Variants in MRTFA observed in about 807,000 individuals in gnomAD.
MRTFA encodes the protein myocardin related transcription factor A, also known as myocardin-related transcription factor A.
In MRTFA, 20 loss-of-function variants were observed where a neutral mutation model predicts 83.5. That is an observed-to-expected ratio of 0.24 (90% CI 0.17 to 0.35). The LOEUF is 0.35. MRTFA is among the 10% of genes least tolerant of loss of function. The pLI is 1.00. For missense variants in MRTFA, 1,200 were observed against 1,224.7 expected (o/e 0.98, Z 0.30); for synonymous variants, 659 against 541.2 (o/e 1.22, Z -3.02).
At chr22:40,635,068 A>AT (rs2051136718) in intron 1 of MRTFA, among the ~76,000 whole-genome samples, 1 of 152,116 alleles carries the variant, frequency 6.6e-6, no homozygotes, top group African/African-American at 2.4e-5. Context: ...GAACGCAGTA[A>AT]TGGATTGCTT....
rs199684195 is a variant in MRTFA, at chr22:40,424,209, G to C, written c.774C>G (p.Thr258=). 6.5e-5 allele frequency: 104 copies of C among 1,596,904 alleles called. No individual in the cohort carries two copies. In the Admixed American group the frequency reaches 1.8e-3, roughly 28 times the overall value. Reference sequence around the variant, plus strand: ...GCATCTGGAAGCACACACTCACCTGGGTGGGGGATGCAGAGGTGGCACTGA... The same window carrying C: ...GCATCTGGAAGCACACACTCACCTGCGTGGGGGATGCAGAGGTGGCACTGA... Residue 258 remains threonine (T), a synonymous_variant, in exon 8 of 15, where the codon ACC becomes ACG. Coordinates refer to ENST00000355630, the MANE Select transcript of MRTFA (RefSeq NM_020831.6).
intron 1 of MRTFA, among the ~76,000 whole-genome samples, chr22:40,631,064 A>G (rs1443535000): frequency 6.6e-6 from 1 of 152,172 alleles, no homozygotes; most frequent in Admixed American, 6.5e-5. Context: ...GACACCCTTA[A>G]TGGCAACTTG....
intron 1 of MRTFA, among the ~76,000 whole-genome samples, chr22:40,599,621 G>C (rs1468977341): frequency 6.6e-6 from 1 of 152,120 alleles, no homozygotes; most frequent in Non-Finnish European, 1.5e-5. Flanking sequence ...AAGTTGCCAG[G>C]CACAGTGGCT....
rs572247009 is a variant in MRTFA, at chr22:40,531,037, G to A, written c.241+21069C>T. 8.5e-5 allele frequency among the ~76,000 whole-genome samples: 13 copies of A among 152,228 alleles called. No individual in the cohort carries two copies. In the East Asian group the frequency reaches 1.5e-3, roughly 18 times the overall value. On this transcript the variant is annotated intron_variant, in intron 3 of 14. Transcript: ENST00000355630. ...CCTTGAGAAGCTAATAATCTAATTAGGAAGACATATACATCTGGCTGGTTC... is the reference window on the plus strand; with the variant it reads ...CCTTGAGAAGCTAATAATCTAATTAAGAAGACATATACATCTGGCTGGTTC...
chr22:40,464,309 GAAA>G (rs398040500), intron 3 of MRTFA, among the ~76,000 whole-genome samples: 1 of 56,272 alleles, frequency 1.8e-5, no homozygotes, highest in African/African-American at 7.9e-5. Flanking sequence ...GCTGTCTCAG[GAAA>G]AAAAAAAAAA....
At chr22:40,415,705 C>G (rs1376642880) in intron 14 of MRTFA, among the ~76,000 whole-genome samples, 3 of 152,144 alleles carry the variant, frequency 2.0e-5, no homozygotes, top group Admixed American at 1.3e-4. Context: ...TGCCCAGCAT[C>G]TGCCCTACCT....
intron 3 of MRTFA, among the ~76,000 whole-genome samples, chr22:40,544,187 C>G (rs1185088509): frequency 1.3e-5 from 2 of 152,056 alleles, no homozygotes; most frequent in African/African-American, 4.8e-5. Flanking sequence ...AACTCATAAA[C>G]TATAAAAGAC....
intron 2 of MRTFA, among the ~76,000 whole-genome samples, chr22:40,571,157 C>A (rs1305678690): frequency 1.3e-5 from 2 of 151,224 alleles, no homozygotes; most frequent in Non-Finnish European, 2.9e-5. Flanking sequence ...TTGCAGTAAG[C>A]CTTGATTGTG....
intron 4 of MRTFA, among the ~76,000 whole-genome samples, chr22:40,445,719 TC>T (rs2053364241): frequency 6.6e-6 from 1 of 152,116 alleles, no homozygotes. Context: ...CGGCTAATTT[TC>T]TGTATTTTTA....
chr22:40,438,753 G>A (rs1234994948), intron 4 of MRTFA, among the ~76,000 whole-genome samples: 2 of 151,708 alleles, frequency 1.3e-5, no homozygotes, highest in East Asian at 3.9e-4. Flanking sequence ...ATCGAATTTT[G>A]TCATAGGTCA....
intron 1 of MRTFA, among the ~76,000 whole-genome samples, chr22:40,613,914 A>C (rs533256802): frequency 9.9e-5 from 15 of 151,956 alleles, no homozygotes; most frequent in African/African-American, 3.6e-4. Flanking sequence ...AAAATAAAAA[A>C]ATAAGCCGGG....
chr22:40,472,574 TA>T (rs1447933530), intron 3 of MRTFA, among the ~76,000 whole-genome samples: 2 of 152,076 alleles, frequency 1.3e-5, no homozygotes, highest in African/African-American at 2.4e-5. Flanking sequence ...GAATAACAAA[TA>T]ATTTTTTTCT....
chr22:40,429,443 G>C, intron 7 of MRTFA, 163 bp downstream of exon 7: 1 of 786,294 alleles, frequency 1.3e-6, no homozygotes, highest in Non-Finnish European at 2.2e-6. Flanking sequence ...CATACAACCT[G>C]TGCATGAGGC....
chr22:40,459,782 T>TATACACACACACACACACAC (rs1261144482), intron 4 of MRTFA, among the ~76,000 whole-genome samples: 2 of 88,914 alleles, frequency 2.2e-5, no homozygotes, highest in African/African-American at 9.4e-5. Context: ...TGATAAAATA[T>TATACACACACACACACACAC]ACACACACAC....
chr22:40,464,026 C>T (rs2053766444), intron 3 of MRTFA, among the ~76,000 whole-genome samples: 1 of 152,190 alleles, frequency 6.6e-6, no homozygotes, highest in East Asian at 1.9e-4. Flanking sequence ...CAGCCAGGCA[C>T]AGTGGCTCAT....
intron 2 of MRTFA, among the ~76,000 whole-genome samples, chr22:40,582,248 A>C: frequency 6.6e-6 from 1 of 152,326 alleles, no homozygotes; most frequent in East Asian, 1.9e-4. Context: ...GTATTGGTAC[A>C]CCATTCCTTT....
At chr22:40,602,784 T>C (rs2056275390) in intron 1 of MRTFA, among the ~76,000 whole-genome samples, 2 of 151,758 alleles carry the variant, frequency 1.3e-5, no homozygotes, top group African/African-American at 2.4e-5. Flanking sequence ...GAGGTGGAGG[T>C]TGCAGCGAGC....
chr22:40,485,825 G>C (rs1203115479), intron 3 of MRTFA, among the ~76,000 whole-genome samples: 1 of 152,108 alleles, frequency 6.6e-6, no homozygotes, highest in Non-Finnish European at 1.5e-5. Context: ...GAGGAGCAAG[G>C]GCTGTGAGAA....
At chr22:40,434,679 G>A (rs1482951704) in intron 5 of MRTFA, among the ~76,000 whole-genome samples, 1 of 152,190 alleles carries the variant, frequency 6.6e-6, no homozygotes, top group Non-Finnish European at 1.5e-5. Context: ...CTGAGATCAC[G>A]CCACTGCACT....
Sources: gnomAD v4.1 joint callset for allele counts (sites outside exome capture counted in the v4.1 genomes callset) on GRCh38, gnomAD v4.1.1 for gene constraint, MANE v1.5 for transcripts, NCBI Gene and HGNC (gene_info 2026-07-23, HGNC 2026-07-21) for gene names.